Variants in PRTG observed in about 807,000 individuals in gnomAD.
PRTG encodes protogenin.
In PRTG, 67 loss-of-function variants were observed where a neutral mutation model predicts 122.5. That is an observed-to-expected ratio of 0.55 (90% confidence interval 0.45 to 0.67). The LOEUF (loss-of-function observed/expected upper bound fraction) is 0.67, where lower values mean the gene tolerates loss of function less well. PRTG is among the 30% of genes least tolerant of loss of function. The pLI, the probability that PRTG is intolerant of heterozygous loss-of-function variation, is 0.00. For missense variants in PRTG, 1,435 were observed against 1,415.4 expected (o/e 1.01, Z -0.22); for synonymous variants, 554 against 501.1 (o/e 1.11, Z -1.41).
intron 15 of PRTG, among the ~76,000 whole-genome samples, chr15:55,631,431 G>A (rs1464673063): frequency 1.3e-5 from 2 of 152,154 alleles, no homozygotes; most frequent in Non-Finnish European, 2.9e-5. Flanking sequence ...ACAAGGACCA[G>A]CAGTACATGT....
intron 15 of PRTG, among the ~76,000 whole-genome samples, chr15:55,634,063 C>CTTTTTTTTTT (rs10711487): frequency 1.4e-5 from 1 of 73,852 alleles, no homozygotes; most frequent in Non-Finnish European, 2.7e-5. Context: ...ATATACATTG[C>CTTTTTTTTTT]TTTTTTTTTT....
chr15:55,672,835 A>T (rs1416040611), intron 10 of PRTG, among the ~76,000 whole-genome samples: 1 of 152,190 alleles, frequency 6.6e-6, no homozygotes, highest in East Asian at 1.9e-4. Context: ...ACTATCTTAA[A>T]AAGACCAAGA....
intron 17 of PRTG, among the ~76,000 whole-genome samples, chr15:55,625,029 A>T (rs1041608803): frequency 6.6e-6 from 1 of 152,242 alleles, no homozygotes; most frequent in Admixed American, 6.5e-5. Context: ...TTTGAGTAGT[A>T]TGTTTCCATG....
intron 15 of PRTG, 49 bp from the exon 16 acceptor site, chr15:55,629,053 T>A: frequency 7.7e-7 from 1 of 1,303,934 alleles, no homozygotes; most frequent in Non-Finnish European, 1.1e-6. Context: ...CTTTTATTCT[T>A]TCACTCATAT....
intron 2 of PRTG, among the ~76,000 whole-genome samples, chr15:55,689,295 GTC>G (rs2141825729): frequency 6.6e-6 from 1 of 152,248 alleles, no homozygotes; most frequent in South Asian, 2.1e-4. Context: ...AAAGCATCAT[GTC>G]TCAGCATCCA....
chr15:55,707,335 T>G (rs2030171087), intron 2 of PRTG, among the ~76,000 whole-genome samples: 1 of 152,226 alleles, frequency 6.6e-6, no homozygotes, highest in African/African-American at 2.4e-5. Flanking sequence ...ACTAGTGATT[T>G]AAATAAAATT....
chr15:55,742,654 A>C lies in PRTG; in HGVS notation c.94+184T>G, dbSNP rs568411307. On this transcript the variant is annotated intron_variant, in intron 1 of 19. Transcript: ENST00000389286. ...CCCAAGCAGCGCAGAGGCCGCAAGC[A>C]ACTAGTGTCTGCAGCTGGCGGTTCC... 5.3e-3 allele frequency: 3,572 copies of C among 674,854 alleles called. 27 individuals carry two copies. The highest frequency in any genetic ancestry group is 0.039 in the Middle Eastern group (91 of 2,360). The allele number at this position is 674,854 out of a possible 1,614,324, so 41.8% of individuals were successfully genotyped here. A position where few individuals can be genotyped will look rare whatever the true frequency, so the allele number is the denominator to read the frequency against.
intron 2 of PRTG, among the ~76,000 whole-genome samples, chr15:55,688,262 C>G (rs1220807369): frequency 6.6e-6 from 1 of 152,144 alleles, no homozygotes; most frequent in Non-Finnish European, 1.5e-5. Context: ...GTCTATGATA[C>G]TACATGCTCC....
At chr15:55,722,001 T>C (rs915823303) in intron 2 of PRTG, among the ~76,000 whole-genome samples, 1 of 152,172 alleles carries the variant, frequency 6.6e-6, no homozygotes, top group Admixed American at 6.5e-5. Flanking sequence ...AGCCAAACCA[T>C]ACCACTCCCT....
chr15:55,629,383 G>A lies in PRTG; in HGVS notation c.2624-379C>T, dbSNP rs28542039. On this transcript the variant is annotated intron_variant, in intron 15 of 19. Transcript: ENST00000389286. The stretch of plus-strand genomic sequence containing the variant: ...TGTATATATATATATATATGTGTGT[G>A]TGTGTGTGTGTGTGTGTGTGTGTGT... 1.9e-3 allele frequency among the ~76,000 whole-genome samples: 131 copies of A among 69,778 alleles called. 1 individual carries two copies. The highest frequency in any genetic ancestry group is 7.6e-3 in the African/African-American group (89 of 11,712). 45.8% of individuals were successfully genotyped at this position (69,778 alleles called of 152,430 possible).
At chr15:55,632,900 C>T (rs2059235768) in intron 15 of PRTG, among the ~76,000 whole-genome samples, 2 of 152,200 alleles carry the variant, frequency 1.3e-5, no homozygotes, top group Non-Finnish European at 2.9e-5. Flanking sequence ...ACATAGTCAT[C>T]ACTCAGTAAG....
chr15:55,648,049 T>C (rs938449738), intron 11 of PRTG, among the ~76,000 whole-genome samples: 7 of 152,210 alleles, frequency 4.6e-5, no homozygotes. Flanking sequence ...ACCCACATCT[T>C]CCATATTGAT....
intron 1 of PRTG, 58 bp downstream of exon 1, chr15:55,742,780 C>A: frequency 6.5e-7 from 1 of 1,534,130 alleles, no homozygotes; most frequent in Middle Eastern, 2.0e-4. Flanking sequence ...TTCCCCATCC[C>A]ACTCGCGCCC....
In PRTG at chr15:55,638,620, G is replaced by A; in HGVS notation, c.2381C>T (p.Ala794Val). 1 of 1,613,044 alleles carries A rather than the reference G, an allele frequency of 6.2e-7. No homozygotes were observed. Among genetic ancestry groups the A allele is most frequent in the Non-Finnish European group, 8.5e-7 (1 of 1,179,178 alleles). Residue 794 changes from alanine (A) to valine (V), a missense_variant, in exon 14 of 20, where the codon GCC becomes GTC. Coordinates refer to ENST00000389286, the MANE Select transcript of PRTG (RefSeq NM_173814.6). ...AAGCTGATCCACATGTAATCGAACG[G>A]CAAATTCGTATTTGGTGTTTGGTTC... ...GLEPNTKYEFAVRLHVDQLSS... is the reference protein window; with the variant it reads ...GLEPNTKYEFVVRLHVDQLSS...
rs951557825 is a variant in PRTG at position 55,611,745 on chromosome 15, T to G, written c.*8267A>C. ...CTAGAAAAAAAAAAACAAATCTACATTATTAAACAAATATGTTTTAAGAAG... is the reference window on the plus strand; with the variant it reads ...CTAGAAAAAAAAAAACAAATCTACAGTATTAAACAAATATGTTTTAAGAAG... On this transcript the variant is annotated 3_prime_UTR_variant, in exon 20 of 20. Coordinates refer to ENST00000389286, the MANE Select transcript of PRTG (RefSeq NM_173814.6). 1 of 151,954 alleles carries G rather than the reference T, an allele frequency of 6.6e-6. No individual in the cohort carries two copies. Among genetic ancestry groups the G allele is most frequent in the Non-Finnish European group, 1.5e-5 (1 of 67,936 alleles). 9.4% of individuals were successfully genotyped at this position (151,954 alleles called of 1,614,324 possible). A position where few individuals can be genotyped will look rare whatever the true frequency, so the allele number is the denominator to read the frequency against.
In PRTG at chr15:55,708,148, TAAAAAAAAAAA is replaced by T. The variant is rs35216342; in HGVS notation, c.398-24228_398-24218del. ...CCTGTGGAAAGGAGGAGTAAGCTGG[TAAAAAAAAAAA>T]AAAAAAAAAAAAAAAAAACAGAGGC... On this transcript the variant is annotated intron_variant, in intron 2 of 19. Coordinates refer to ENST00000389286, the MANE Select transcript of PRTG (RefSeq NM_173814.6). 7.8e-3 allele frequency among the ~76,000 whole-genome samples: 545 copies of T among 70,048 alleles called. 5 individuals are homozygous for T. Among genetic ancestry groups the T allele is most frequent in the African/African-American group, 0.033 (528 of 16,030 alleles). The allele number at this position is 70,048 out of a possible 152,430, so 46.0% of individuals were successfully genotyped here. A position where few individuals can be genotyped will look rare whatever the true frequency, so the allele number is the denominator to read the frequency against.
chr15:55,680,543 C>T lies in PRTG; in HGVS notation c.762G>A (p.Leu254=). 6.2e-7 allele frequency: 1 copy of T among 1,602,392 alleles called. No individual in the cohort carries two copies. The highest frequency in any genetic ancestry group is 8.5e-7 in the Non-Finnish European group (1 of 1,174,108). The change falls in exon 5 of 20, where the codon TTG becomes TTA. Residue 254 remains leucine, a synonymous_variant. Transcript: ENST00000389286. The stretch of plus-strand genomic sequence containing the variant: ...TGGGATTTCCTGTGGCCATGCATTC[C>T]AAAACTACAGTCTGATGAAGAGATG... ...ITTSLHQTVV[L]ECMATGNPKP... is the part of the protein sequence containing the mutation.
At chr15:55,682,309 T>G in intron 4 of PRTG, 55 bp downstream of exon 4, 5 of 1,413,702 alleles carry the variant, frequency 3.5e-6, no homozygotes, top group Non-Finnish European at 4.7e-6. Flanking sequence ...GGAGAAGAAG[T>G]AACAACTGCG....
At chr15:55,670,688 G>A (rs773559731) in intron 11 of PRTG, among the ~76,000 whole-genome samples, 11 of 152,168 alleles carry the variant, frequency 7.2e-5, no homozygotes, top group African/African-American at 1.4e-4. Flanking sequence ...ATCACCTGAG[G>A]TTGGGAGTTC....
Sources: gnomAD v4.1 joint callset for allele counts (sites outside exome capture counted in the v4.1 genomes callset) on GRCh38, gnomAD v4.1.1 for gene constraint, MANE v1.5 for transcripts, NCBI Gene and HGNC (gene_info 2026-07-23, HGNC 2026-07-21) for gene names.